The following SPMIP2 variants were observed in gnomAD, a reference collection of about 807,000 sequenced individuals.
SPMIP2 encodes the protein protein SPMIP2.
At chr4:158,985,861 A>T in the SPMIP2 span, among the ~76,000 whole-genome samples, 2 of 152,222 alleles carry the variant, frequency 1.3e-5, no homozygotes, top group African/African-American at 4.8e-5. Flanking sequence ...TTTGCAGATG[A>T]CTTGATTGTA....
At chr4:158,906,852 C>T in the SPMIP2 span, 1 of 152,112 alleles carries the variant, frequency 6.6e-6, no homozygotes, top group Non-Finnish European at 1.5e-5. Context: ...ACCGCTCACA[C>T]GCCGTACACC....
the SPMIP2 span, among the ~76,000 whole-genome samples, chr4:159,035,618 A>T: frequency 6.6e-6 from 1 of 152,330 alleles, no homozygotes; most frequent in East Asian, 1.9e-4. Context: ...ATATATATAG[A>T]TATATTTCCA....
chr4:159,035,135 G>A, the SPMIP2 span: 9 of 1,551,080 alleles, frequency 5.8e-6, no homozygotes, highest in Non-Finnish European at 7.1e-6. Context: ...TTTCTTCTTC[G>A]GCTTCTTCAA....
the SPMIP2 span, among the ~76,000 whole-genome samples, chr4:158,951,592 GGA>G: frequency 7.9e-5 from 12 of 152,276 alleles, no homozygotes; most frequent in African/African-American, 2.9e-4. Flanking sequence ...AATAGATGCA[GGA>G]GAGTGCTTTG....
At chr4:158,905,030 A>C in the SPMIP2 span, 1 of 153,406 alleles carries the variant, frequency 6.5e-6, no homozygotes, top group East Asian at 1.9e-4. Context: ...TCCAGGTCAC[A>C]GTTTGCTTTT....
At chr4:158,998,821 G>T in the SPMIP2 span, among the ~76,000 whole-genome samples, 831 of 152,208 alleles carry the variant, frequency 5.5e-3, 9 homozygotes, top group African/African-American at 0.019. Context: ...ACACTGGACT[G>T]GGTGGAAATA....
At chr4:159,038,279 C>T in the SPMIP2 span, among the ~76,000 whole-genome samples, 5 of 152,238 alleles carry the variant, frequency 3.3e-5, no homozygotes, top group East Asian at 1.9e-4. Context: ...CTGAGAATGC[C>T]GATTTTTATA....
chr4:158,972,509 A>G, the SPMIP2 span, among the ~76,000 whole-genome samples: 2 of 152,216 alleles, frequency 1.3e-5, no homozygotes, highest in Non-Finnish European at 2.9e-5. Context: ...AAATTCTCAG[A>G]TTTTACTTCT....
chr4:159,015,875 G>A, the SPMIP2 span, among the ~76,000 whole-genome samples: 8 of 152,168 alleles, frequency 5.3e-5, no homozygotes, highest in African/African-American at 1.9e-4. Flanking sequence ...ATCAGGAGGT[G>A]GCAGAAGGAG....
At chr4:158,904,543 A>G in the SPMIP2 span, 1 of 1,612,094 alleles carries the variant, frequency 6.2e-7, no homozygotes, top group Non-Finnish European at 8.5e-7. Context: ...ATACTCTTAT[A>G]AGCTAAAGCT....
the SPMIP2 span, among the ~76,000 whole-genome samples, chr4:159,061,356 A>G: frequency 4.6e-5 from 7 of 151,928 alleles, no homozygotes; most frequent in Non-Finnish European, 1.0e-4. Context: ...CACCTTTCAG[A>G]AAACACATGT....
the SPMIP2 span, among the ~76,000 whole-genome samples, chr4:158,982,036 A>T: frequency 6.6e-6 from 1 of 152,168 alleles, no homozygotes; most frequent in South Asian, 2.1e-4. Context: ...AGGAATATTT[A>T]CAAAGTGGAA....
the SPMIP2 span, among the ~76,000 whole-genome samples, chr4:159,006,540 C>G: frequency 6.6e-6 from 1 of 152,184 alleles, no homozygotes; most frequent in African/African-American, 2.4e-5. Flanking sequence ...GTTGTACATG[C>G]TGACAGCCAA....
At chr4:158,984,490 G>A in the SPMIP2 span, among the ~76,000 whole-genome samples, 33 of 151,296 alleles carry the variant, frequency 2.2e-4, no homozygotes, top group South Asian at 1.5e-3. Flanking sequence ...AGTGAAAACC[G>A]CTCAACTACA....
the SPMIP2 span, among the ~76,000 whole-genome samples, chr4:159,002,579 T>C: frequency 1.3e-5 from 2 of 152,122 alleles, no homozygotes; most frequent in Non-Finnish European, 2.9e-5. Flanking sequence ...CTTTTAGAAG[T>C]TTTATAGTTT....
At chr4:159,053,247 C>T in the SPMIP2 span, among the ~76,000 whole-genome samples, 40 of 152,252 alleles carry the variant, frequency 2.6e-4, no homozygotes, top group East Asian at 7.3e-3. Flanking sequence ...TGAGCCACCG[C>T]GCCCGGCCGA....
At chr4:158,939,838 C>CA in the SPMIP2 span, among the ~76,000 whole-genome samples, 151,980 of 152,206 alleles carry the variant, frequency 1, 75,878 homozygotes, top group East Asian at 1. Flanking sequence ...GACTCTGTCT[C>CA]AAAAACAAAA....
At chr4:159,049,855 A>T in the SPMIP2 span, among the ~76,000 whole-genome samples, 1 of 152,216 alleles carries the variant, frequency 6.6e-6, no homozygotes, top group South Asian at 2.1e-4. Flanking sequence ...TGTCATAGAG[A>T]GCTCAAATAT....
At chr4:159,080,517 C>A in the SPMIP2 span, among the ~76,000 whole-genome samples, 16 of 152,036 alleles carry the variant, frequency 1.1e-4, no homozygotes, top group African/African-American at 3.6e-4. Context: ...CTCATTGAGC[C>A]CCTTAATTGA....
Sources: allele counts gnomAD v4.1 joint callset (sites outside exome capture counted in the v4.1 genomes callset), GRCh38; gene constraint gnomAD v4.1.1; transcripts MANE v1.5; gene names NCBI Gene and HGNC (gene_info 2026-07-23, HGNC 2026-07-21).